The following SEC22C variants were observed in gnomAD, a reference collection of about 807,000 sequenced individuals.
SEC22C encodes SEC22 homolog C, vesicle trafficking protein.
Under a neutral mutation model 34.7 loss-of-function variants are expected in SEC22C, and 29 were observed. That is an observed-to-expected ratio of 0.84 (90% CI 0.62 to 1.14). The LOEUF (loss-of-function observed/expected upper bound fraction) is 1.14. Ranked by LOEUF, SEC22C falls within the 50% of genes most tolerant of loss-of-function variation. SEC22C has a pLI of 0.00. For synonymous variants in SEC22C, 117 were observed against 132.8 expected (o/e 0.88, Z 0.82); for missense variants, 337 against 369.0 (o/e 0.91, Z 0.71).
rs1370040081 is a variant in SEC22C, at chr3:42,549,726, T to C, written c.*3522A>G. The C allele has an allele frequency of 4.1e-6, 4 of 985,356 alleles. No individual in the cohort carries two copies. Among genetic ancestry groups the C allele is most frequent in the African/African-American group, 3.5e-5 (2 of 57,244 alleles). The allele number at this position is 985,356 out of a possible 1,614,324, so 61.0% of individuals were successfully genotyped here. A position where few individuals can be genotyped will look rare whatever the true frequency, so the allele number is the denominator to read the frequency against. ...CAGTTTCAGACTCTGTCTCCAGAGC[T>C]GGAATGTATAGGGCAGAGGTAGAAA... On this transcript the variant is annotated 3_prime_UTR_variant, in exon 7 of 7. Transcript: ENST00000264454.
intron 3 of SEC22C, among the ~76,000 whole-genome samples, chr3:42,562,657 TCA>T (rs1271572426): frequency 2.0e-5 from 3 of 152,186 alleles, no homozygotes; most frequent in Non-Finnish European, 4.4e-5. Flanking sequence ...TTTAAGAACA[TCA>T]CAGAGTCAGC....
intron 1 of SEC22C, among the ~76,000 whole-genome samples, chr3:42,588,059 G>A (rs920787244): frequency 2.7e-5 from 4 of 148,712 alleles, no homozygotes; most frequent in African/African-American, 9.9e-5. Flanking sequence ...GGCAACAAGA[G>A]TGAAACTGTC....
chr3:42,587,565 G>GA (rs34952650), intron 1 of SEC22C: 168 of 142,796 alleles, frequency 1.2e-3, no homozygotes, highest in Admixed American at 1.5e-3. Flanking sequence ...CGTCTCTACT[G>GA]AAAAAAAAAA....
At position 42,598,778 on chromosome 3, in the gene SEC22C, A is replaced by G. The variant is rs981720715; in HGVS notation, c.-28+2182T>C. Reference sequence around the variant, plus strand: ...TTACTGTTTAATAATACAGAGTTTCAGTTTTGCAAGATGGAAAATGTTCTG... The same window carrying G: ...TTACTGTTTAATAATACAGAGTTTCGGTTTTGCAAGATGGAAAATGTTCTG... On this transcript the variant is annotated intron_variant, in intron 1 of 6. Coordinates refer to the SEC22C transcript ENST00000417572. 3.3e-5 allele frequency among the ~76,000 whole-genome samples: 5 copies of G among 152,070 alleles called. 1 individual carries two copies. Among genetic ancestry groups the G allele is most frequent in the African/African-American group, 4.8e-5 (2 of 41,342 alleles).
intron 2 of SEC22C, among the ~76,000 whole-genome samples, chr3:42,567,290 T>TA (rs1244750910): frequency 3.3e-5 from 5 of 152,100 alleles, no homozygotes; most frequent in Admixed American, 6.5e-5. Context: ...AACGAGAAAA[T>TA]AGACGTAAAA....
upstream of SEC22C, among the ~76,000 whole-genome samples, chr3:42,585,206 T>G (rs1704571345): frequency 6.6e-6 from 1 of 152,178 alleles, no homozygotes; most frequent in African/African-American, 2.4e-5. Context: ...GTGCGAGTGC[T>G]TTAGAACAGG....
intron 2 of SEC22C, among the ~76,000 whole-genome samples, chr3:42,567,856 A>C (rs1293671783): frequency 6.6e-6 from 1 of 152,200 alleles, no homozygotes; most frequent in East Asian, 1.9e-4. Flanking sequence ...AGATCACCTG[A>C]GGTCAGGAGC....
intron 1 of SEC22C, chr3:42,594,447 CTCATT>C: frequency 6.2e-7 from 1 of 1,613,806 alleles, no homozygotes; most frequent in Non-Finnish European, 8.5e-7. Flanking sequence ...ACATAGAAAT[CTCATT>C]TATTTGGCTA....
At chr3:42,562,521 T>G (rs1702985517) in intron 3 of SEC22C, among the ~76,000 whole-genome samples, 1 of 152,212 alleles carries the variant, frequency 6.6e-6, no homozygotes, top group Non-Finnish European at 1.5e-5. Context: ...CCTGATGGGC[T>G]AGCCAGTAGA....
chr3:42,589,939 G>T (rs1345436923), intron 1 of SEC22C, among the ~76,000 whole-genome samples: 1 of 152,188 alleles, frequency 6.6e-6, no homozygotes, highest in Non-Finnish European at 1.5e-5. Flanking sequence ...CACCTTTGCG[G>T]TATGGTGCCT....
Position 42,569,034 on chromosome 3 carries a change from A to C in SEC22C, c.13T>G (p.Phe5Val). MSVI[F>V]FACVVRVRDG... ...CTTACCCGTACCACGCAGGCAAAAA[A>C]GATCACGGACATGGTCCACAAGAGA... Residue 5 changes from phenylalanine to valine, a missense_variant, in exon 2 of 7, where the codon TTT becomes GTT. Phe to Val is a conservative substitution (Grantham distance 50, BLOSUM62 -1). Coordinates refer to ENST00000264454, the MANE Select transcript of SEC22C (RefSeq NM_032970.4). 6.2e-7 allele frequency: 1 copy of C among 1,613,962 alleles called. No homozygotes were observed. Among genetic ancestry groups the C allele is most frequent in the African/African-American group, 1.3e-5 (1 of 75,054 alleles).
chr3:42,557,561 A>T lies in SEC22C; in HGVS notation c.645+17T>A. ...GTCCTTCAATTTAAACTGTTTTAAA[A>T]AAAAAAAAAAGGTTACCTGTAAAGA... On this transcript the variant is annotated intron_variant, in intron 5 of 6. Coordinates refer to ENST00000264454, the MANE Select transcript of SEC22C (RefSeq NM_032970.4). The T allele has an allele frequency of 7.6e-7, 1 of 1,313,160 alleles. No homozygotes were observed. Among genetic ancestry groups the T allele is most frequent in the Non-Finnish European group, 1.1e-6 (1 of 942,120 alleles). The allele number at this position is 1,313,160 out of a possible 1,614,324, so 81.3% of individuals were successfully genotyped here. A position where few individuals can be genotyped will look rare whatever the true frequency, so the allele number is the denominator to read the frequency against.
chr3:42,591,726 AAG>A, intron 1 of SEC22C: 2 of 722,302 alleles, frequency 2.8e-6, no homozygotes, highest in Admixed American at 2.2e-5. Flanking sequence ...GAACTGAGGA[AAG>A]AGAGGCTCAA....
chr3:42,554,975 AAACAAC>A (rs200523696), intron 6 of SEC22C, among the ~76,000 whole-genome samples: 2 of 145,902 alleles, frequency 1.4e-5, no homozygotes, highest in South Asian at 4.3e-4. Flanking sequence ...TTACTATTTA[AAACAAC>A]AACAACAACA....
chr3:42,571,919 G>A (rs1031563457), intron 1 of SEC22C, among the ~76,000 whole-genome samples: 3 of 152,206 alleles, frequency 2.0e-5, no homozygotes, highest in Non-Finnish European at 4.4e-5. Context: ...TGTAATCCCA[G>A]CTACTCAGGA....
In SEC22C at chr3:42,559,198, C is replaced by T. The variant is rs564116268; in HGVS notation, c.527-1502G>A. 6.6e-5 allele frequency among the ~76,000 whole-genome samples: 10 copies of T among 152,326 alleles called. No individual in the cohort carries two copies. In the South Asian group the frequency reaches 8.3e-4, roughly 13 times the overall value. On this transcript the variant is annotated intron_variant, in intron 4 of 6. Transcript: ENST00000264454. ...ATATTTCACACACACACAAATACCT[C>T]GCCACAATCCAACTTATGCCTATTG...
intron 1 of SEC22C, among the ~76,000 whole-genome samples, chr3:42,574,489 A>G (rs1703840874): frequency 2.0e-5 from 3 of 152,192 alleles, no homozygotes; most frequent in African/African-American, 7.2e-5. Flanking sequence ...ATCCTGGAAT[A>G]TCAGGAAGAA....
rs1281296442 is a variant in SEC22C at position 42,552,505 on chromosome 3, T to A, written c.*743A>T. On this transcript the variant is annotated 3_prime_UTR_variant, in exon 7 of 7. Transcript: ENST00000264454. Reference sequence around the variant, plus strand: ...ACTTATCATCTAGAAGTACTGGTTATTCAATTAATTTTTAAAATATTCGGA... The same window carrying A: ...ACTTATCATCTAGAAGTACTGGTTAATCAATTAATTTTTAAAATATTCGGA... The A allele has an allele frequency of 2.0e-6, 2 of 983,388 alleles. No homozygotes were observed. Among genetic ancestry groups the A allele is most frequent in the East Asian group, 1.1e-4 (1 of 8,812 alleles). The allele number at this position is 983,388 out of a possible 1,614,324, so 60.9% of individuals were successfully genotyped here.
intron 4 of SEC22C, among the ~76,000 whole-genome samples, chr3:42,558,152 T>G (rs1702647968): frequency 6.6e-6 from 1 of 152,084 alleles, no homozygotes; most frequent in South Asian, 2.1e-4. Flanking sequence ...AAATAAAGAA[T>G]TATCTGATGC....
Sources: gnomAD v4.1 joint callset for allele counts (sites outside exome capture counted in the v4.1 genomes callset) on GRCh38, gnomAD v4.1.1 for gene constraint, MANE v1.5 for transcripts, NCBI Gene and HGNC (gene_info 2026-07-23, HGNC 2026-07-21) for gene names.